SLC44A1: variants seen among roughly 807,000 people sequenced by gnomAD.
SLC44A1 encodes the protein solute carrier family 44 member 1, also known as choline transporter-like protein 1.
Under a neutral mutation model 79.3 loss-of-function variants are expected in SLC44A1, and 26 were observed. That is an observed-to-expected ratio of 0.33 (90% CI 0.24 to 0.46). The LOEUF is 0.46. SLC44A1 is among the 20% of genes least tolerant of loss of function. The probability of loss-of-function intolerance (pLI) is 1.00; values close to 1 mark genes in which losing one functional copy is unlikely to be tolerated. For synonymous variants in SLC44A1, 263 were observed against 286.2 expected (o/e 0.92, Z 0.82); for missense variants, 688 against 798.1 (o/e 0.86, Z 1.66).
intron 3 of SLC44A1, among the ~76,000 whole-genome samples, chr9:105,330,583 C>A (rs1826719186): frequency 6.6e-6 from 1 of 152,184 alleles, no homozygotes; most frequent in African/African-American, 2.4e-5. Flanking sequence ...TGACTCTTAT[C>A]CTTTTTCCTG....
intron 4 of SLC44A1, among the ~76,000 whole-genome samples, chr9:105,342,644 GACC>G (rs1293150169): frequency 1.3e-5 from 2 of 152,124 alleles, no homozygotes; most frequent in African/African-American, 4.8e-5. Context: ...CTGGTCCATA[GACC>G]ACCCTTCACT....
chr9:105,389,210 A>G lies in SLC44A1; in HGVS notation c.*154A>G. 1 of 1,337,088 alleles carries G rather than the reference A, an allele frequency of 7.5e-7. No homozygotes were observed. The highest frequency in any genetic ancestry group is 2.7e-5 in the East Asian group (1 of 37,716). 82.8% of individuals were successfully genotyped at this position (1,337,088 alleles called of 1,614,324 possible). The stretch of plus-strand genomic sequence containing the variant: ...ACACACACATAAATCAGCCAAAATC[A>G]GAGAAAAGGAACAGGGATTTAATAC... On this transcript the variant is annotated 3_prime_UTR_variant, in exon 16 of 16. Transcript: ENST00000374720.
In SLC44A1 at chr9:105,245,075, C is replaced by G. The variant is rs564989275; in HGVS notation, c.36+171C>G. 7.2e-3 allele frequency among the ~76,000 whole-genome samples: 1,089 copies of G among 152,176 alleles called. 11 individuals carry two copies. Among genetic ancestry groups the G allele is most frequent in the African/African-American group, 0.024 (1,006 of 41,536 alleles). ...CCGTCCGCCGGGTCCCGCCGATGCC[C>G]GTGCGCTGGCTCCGCGGCTGCCGAC... On this transcript the variant is annotated intron_variant, in intron 1 of 15. Transcript: ENST00000374720.
chr9:105,319,205 G>A (rs1826305784), intron 3 of SLC44A1, among the ~76,000 whole-genome samples: 1 of 152,168 alleles, frequency 6.6e-6, no homozygotes, highest in South Asian at 2.1e-4. Context: ...GCAAGATCAG[G>A]GGTCCATAAA....
intron 8 of SLC44A1, 98 bp downstream of exon 8, chr9:105,361,428 C>A: frequency 8.9e-7 from 1 of 1,124,016 alleles, no homozygotes; most frequent in Non-Finnish European, 1.3e-6. Context: ...GCATTCCTAA[C>A]CCTGATCTCC....
At chr9:105,354,439 G>T (rs920179497) in intron 5 of SLC44A1, among the ~76,000 whole-genome samples, 1 of 152,052 alleles carries the variant, frequency 6.6e-6, no homozygotes, top group African/African-American at 2.4e-5. Context: ...TGCATCATTA[G>T]TGAAGCACTT....
In SLC44A1 at chr9:105,390,047, A is replaced by T; in HGVS notation, c.*991A>T. On this transcript the variant is annotated 3_prime_UTR_variant, in exon 16 of 16. Transcript: ENST00000374720. Reference sequence around the variant, plus strand: ...ATTTTATTCAAATGCTTGCTATACAATCTGAAAACACACTGGCAGGTGCTC... The same window carrying T: ...ATTTTATTCAAATGCTTGCTATACATTCTGAAAACACACTGGCAGGTGCTC... The T allele has an allele frequency of 7.7e-7, 1 of 1,296,670 alleles. No individual in the cohort carries two copies. The highest frequency in any genetic ancestry group is 9.8e-7 in the Non-Finnish European group (1 of 1,016,166). 80.3% of individuals were successfully genotyped at this position (1,296,670 alleles called of 1,614,324 possible). A position where few individuals can be genotyped will look rare whatever the true frequency, so the allele number is the denominator to read the frequency against.
chr9:105,282,472 A>C (rs576274714), intron 1 of SLC44A1, among the ~76,000 whole-genome samples: 2 of 152,312 alleles, frequency 1.3e-5, no homozygotes, highest in African/African-American at 4.8e-5. Flanking sequence ...TCTTCTGATC[A>C]GACTGTCAAT....
intron 15 of SLC44A1, among the ~76,000 whole-genome samples, chr9:105,430,781 A>G (rs1829382444): frequency 6.6e-6 from 1 of 152,162 alleles, no homozygotes; most frequent in African/African-American, 2.4e-5. Context: ...TTTTTTGGTT[A>G]TATACATAGG....
chr9:105,318,220 C>T (rs1023805097), intron 3 of SLC44A1, among the ~76,000 whole-genome samples: 2 of 145,890 alleles, frequency 1.4e-5, no homozygotes, highest in Non-Finnish European at 2.9e-5. Context: ...CGCCCTGTCA[C>T]CCAGGCTGGA....
chr9:105,278,799 A>G (rs1420407793), intron 1 of SLC44A1, among the ~76,000 whole-genome samples: 1 of 152,228 alleles, frequency 6.6e-6, no homozygotes, highest in African/African-American at 2.4e-5. Flanking sequence ...TCACTTCTGT[A>G]GACTTTCAGC....
intron 7 of SLC44A1, 115 bp from the exon 8 acceptor site, chr9:105,361,076 T>C: frequency 9.8e-7 from 1 of 1,015,302 alleles, no homozygotes; most frequent in South Asian, 1.3e-5. Context: ...CCAAATGGAT[T>C]GTCACTGCAT....
chr9:105,401,177 AATG>A (rs1478690852), downstream of SLC44A1, among the ~76,000 whole-genome samples: 1 of 152,250 alleles, frequency 6.6e-6, no homozygotes, highest in Non-Finnish European at 1.5e-5. Context: ...TTTACATAAA[AATG>A]ATGATTATGG....
At chr9:105,301,717 C>T (rs1166209355) in intron 2 of SLC44A1, among the ~76,000 whole-genome samples, 2 of 151,882 alleles carry the variant, frequency 1.3e-5, no homozygotes, top group African/African-American at 2.4e-5. Context: ...GGTTTTATCC[C>T]CTGCTTATAG....
Position 105,389,503 on chromosome 9 carries a change from T to C in SLC44A1, c.*447T>C. The C allele has an allele frequency of 3.8e-6, 4 of 1,046,472 alleles. No homozygotes were observed. The highest frequency in any genetic ancestry group is 4.6e-6 in the Non-Finnish European group (4 of 869,554). The allele number at this position is 1,046,472 out of a possible 1,614,324, so 64.8% of individuals were successfully genotyped here. A position where few individuals can be genotyped will look rare whatever the true frequency, so the allele number is the denominator to read the frequency against. ...ATCAAGATCTTATTTTACTGATGCATAAGTCCTAGTGGGTCAAGACTAGGC... is the reference window on the plus strand; with the variant it reads ...ATCAAGATCTTATTTTACTGATGCACAAGTCCTAGTGGGTCAAGACTAGGC... On this transcript the variant is annotated 3_prime_UTR_variant, in exon 16 of 16. Transcript: ENST00000374720.
intron 1 of SLC44A1, among the ~76,000 whole-genome samples, chr9:105,257,558 G>A (rs1392222079): frequency 6.6e-6 from 1 of 152,200 alleles, no homozygotes; most frequent in African/African-American, 2.4e-5. Flanking sequence ...TCTAGAAAAT[G>A]AGTGCAAAGA....
intron 4 of SLC44A1, among the ~76,000 whole-genome samples, chr9:105,341,900 G>A (rs1827103548): frequency 6.6e-6 from 1 of 151,972 alleles, no homozygotes; most frequent in Non-Finnish European, 1.5e-5. Flanking sequence ...TACTATCCAA[G>A]TGATTATTCA....
chr9:105,386,515 G>A (rs986268973), intron 15 of SLC44A1: 17 of 715,546 alleles, frequency 2.4e-5, no homozygotes, highest in South Asian at 1.3e-4. Flanking sequence ...CCTGTGGGCC[G>A]CATATGGCTT....
Position 105,396,002 on chromosome 9 carries a change from T to G in SLC44A1, c.*6946T>G. The G allele has an allele frequency of 2.0e-6, 2 of 985,136 alleles. No homozygotes were observed. The highest frequency in any genetic ancestry group is 2.4e-6 in the Non-Finnish European group (2 of 829,854). The allele number at this position is 985,136 out of a possible 1,614,324, so 61.0% of individuals were successfully genotyped here. Reference sequence around the variant, plus strand: ...TTTGAAACAGGGACTATTAAGTAGATTTTCCCCCATCCTCTAGGTTCCTGT... The same window carrying G: ...TTTGAAACAGGGACTATTAAGTAGAGTTTCCCCCATCCTCTAGGTTCCTGT... On this transcript the variant is annotated 3_prime_UTR_variant, in exon 16 of 16. Transcript: ENST00000374720.
Sources: allele counts gnomAD v4.1 joint callset (sites outside exome capture counted in the v4.1 genomes callset), GRCh38; gene constraint gnomAD v4.1.1; transcripts MANE v1.5; gene names NCBI Gene and HGNC (gene_info 2026-07-23, HGNC 2026-07-21).